CNOT2: variants seen among roughly 807,000 people sequenced by gnomAD.
CNOT2 encodes the protein CCR4-NOT transcription complex subunit 2, also known as CC chemokine receptor 4-negative regulator of transcription 2.
A neutral mutation model predicts 72.1 loss-of-function variants in CNOT2; 7 were observed. The ratio of observed to expected loss-of-function variants is 0.10; its 90% confidence interval spans 0.06 to 0.18. The LOEUF is 0.18. Among genes scored for constraint, CNOT2 ranks in the 10% least tolerant of loss-of-function variants. CNOT2 has a pLI of 1.00. For synonymous variants in CNOT2, 196 were observed against 225.6 expected, an observed-to-expected ratio of 0.87 and a Z score of 1.17; for missense variants, 345 against 660.3, an observed-to-expected ratio of 0.52 and a Z score of 5.23.
intron 2 of CNOT2, among the ~76,000 whole-genome samples, chr12:70,310,422 T>G (rs570688964): frequency 2.0e-5 from 3 of 152,066 alleles, no homozygotes; most frequent in Non-Finnish European, 4.4e-5. Flanking sequence ...CCACTATATA[T>G]GCACTGATTC....
chr12:70,331,298 A>G (rs2136028219), intron 6 of CNOT2: 1 of 152,038 alleles, frequency 6.6e-6, no homozygotes, highest in African/African-American at 2.4e-5. Context: ...TCCTCATTCC[A>G]TAAACTCCAG....
At chr12:70,247,362 G>A (rs143957848) in intron 1 of CNOT2, among the ~76,000 whole-genome samples, 9,055 of 152,012 alleles carry the variant, frequency 0.06, 432 homozygotes, top group East Asian at 0.16. Flanking sequence ...CACCATGTTG[G>A]TCAGGCATGT....
At chr12:70,246,849 G>A (rs1429287335) in intron 1 of CNOT2, among the ~76,000 whole-genome samples, 1 of 152,088 alleles carries the variant, frequency 6.6e-6, no homozygotes, top group African/African-American at 2.4e-5. Flanking sequence ...AATAGAATTT[G>A]TACTGTGTTT....
chr12:70,347,444 A>G (rs1231147322), intron 15 of CNOT2: 1 of 152,036 alleles, frequency 6.6e-6, no homozygotes, highest in Non-Finnish European at 1.5e-5. Flanking sequence ...CATCCTGGGT[A>G]ACAGAGAAAC....
chr12:70,352,014 A>G (rs1195605831), intron 15 of CNOT2, among the ~76,000 whole-genome samples: 1 of 152,118 alleles, frequency 6.6e-6, no homozygotes, highest in African/African-American at 2.4e-5. Context: ...TACCTTCTTT[A>G]TAAACTCTCA....
At chr12:70,304,922 A>T (rs1358492282) in intron 2 of CNOT2, among the ~76,000 whole-genome samples, 1 of 152,030 alleles carries the variant, frequency 6.6e-6, no homozygotes, top group African/African-American at 2.4e-5. Flanking sequence ...TTGATCTCAG[A>T]CTGCTGTGCT....
At chr12:70,315,910 GTAT>G (rs138950433) in intron 3 of CNOT2, among the ~76,000 whole-genome samples, 2,049 of 152,188 alleles carry the variant, frequency 0.013, 45 homozygotes, top group African/African-American at 0.046. Context: ...TAAATTAAGG[GTAT>G]TATTTAATAC....
At chr12:70,282,792 A>T (rs1284976152) in intron 2 of CNOT2, among the ~76,000 whole-genome samples, 1 of 152,140 alleles carries the variant, frequency 6.6e-6, no homozygotes, top group East Asian at 1.9e-4. Context: ...ATATTGAGGT[A>T]CATCTTTTTT....
chr12:70,282,574 C>T (rs1236434940), intron 2 of CNOT2, among the ~76,000 whole-genome samples: 1 of 152,136 alleles, frequency 6.6e-6, no homozygotes, highest in Non-Finnish European at 1.5e-5. Flanking sequence ...GTGTGTACCT[C>T]TTCAGATCTT....
intron 2 of CNOT2, among the ~76,000 whole-genome samples, chr12:70,305,470 T>C (rs1875114184): frequency 6.6e-6 from 1 of 152,174 alleles, no homozygotes; most frequent in Non-Finnish European, 1.5e-5. Flanking sequence ...CCATATCAGC[T>C]AGGAAATGAC....
intron 1 of CNOT2, among the ~76,000 whole-genome samples, chr12:70,271,322 A>T (rs775975127): frequency 6.6e-6 from 1 of 150,804 alleles, no homozygotes; most frequent in African/African-American, 2.4e-5. Context: ...TCATAAATCA[A>T]TTACTGACAA....
intron 1 of CNOT2, among the ~76,000 whole-genome samples, chr12:70,260,477 A>AT: frequency 6.6e-6 from 1 of 152,022 alleles, no homozygotes; most frequent in East Asian, 1.9e-4. Flanking sequence ...TGGCGTATTG[A>AT]TTTTGTACCC....
intron 2 of CNOT2, among the ~76,000 whole-genome samples, chr12:70,280,975 C>A (rs1869714211): frequency 6.6e-6 from 1 of 152,120 alleles, no homozygotes; most frequent in East Asian, 1.9e-4. Context: ...GTTTTTGTAA[C>A]CATTTTCTTA....
chr12:70,348,855 T>C (rs1882528577), intron 15 of CNOT2, among the ~76,000 whole-genome samples: 1 of 151,790 alleles, frequency 6.6e-6, no homozygotes, highest in Admixed American at 6.6e-5. Flanking sequence ...ATATTTTTTA[T>C]ATATTATATA....
In CNOT2 at chr12:70,296,313, A is replaced by G. The variant is rs149002976; in HGVS notation, c.49-14582A>G. ...AAATAGTGATTGTGGAAGTGTTTGTATAGGTCCCTAGCTTTCTACTAAAGC... is the reference window on the plus strand; with the variant it reads ...AAATAGTGATTGTGGAAGTGTTTGTGTAGGTCCCTAGCTTTCTACTAAAGC... On this transcript the variant is annotated intron_variant, in intron 2 of 15. Coordinates refer to ENST00000229195, the MANE Select transcript of CNOT2 (RefSeq NM_014515.7). 1.4e-3 allele frequency among the ~76,000 whole-genome samples: 213 copies of G among 152,286 alleles called. 2 individuals are homozygous for G. In the East Asian group the frequency reaches 0.033, roughly 23 times the overall value.
intron 1 of CNOT2, among the ~76,000 whole-genome samples, chr12:70,248,103 T>G (rs947256045): frequency 6.6e-6 from 1 of 152,228 alleles, no homozygotes; most frequent in Non-Finnish European, 1.5e-5. Flanking sequence ...TTTGTATGGT[T>G]ATGGCTATTA....
intron 2 of CNOT2, among the ~76,000 whole-genome samples, chr12:70,310,555 G>A (rs1180720934): frequency 1.3e-5 from 2 of 152,044 alleles, no homozygotes; most frequent in Non-Finnish European, 2.9e-5. Context: ...TGAAGATTTT[G>A]AATAATTAAA....
chr12:70,243,660 G>T (rs1381288223), intron 1 of CNOT2, 180 bp downstream of exon 1: 1 of 151,014 alleles, frequency 6.6e-6, no homozygotes, highest in Non-Finnish European at 1.5e-5. Flanking sequence ...ATCGAGAGAC[G>T]GAGAGCGGAG....
In CNOT2 at chr12:70,346,285, T is replaced by C. The variant is rs1434926696; in HGVS notation, c.1497T>C (p.Tyr499=). Reference sequence around the variant, plus strand: ...CCAATACCTATGAGAGGGGAACATATTACTTCTTTGACTGTCTTAACTGGA... The same window carrying C: ...CCAATACCTATGAGAGGGGAACATACTACTTCTTTGACTGTCTTAACTGGA... ...MKTNTYERGT[Y]YFFDCLNWRK... is the part of the protein sequence containing the mutation. Residue 499 remains tyrosine (Y), a synonymous_variant, in exon 15 of 16, where the codon TAT becomes TAC. Coordinates refer to ENST00000229195, the MANE Select transcript of CNOT2 (RefSeq NM_014515.7). 6 of 1,612,446 alleles carry C rather than the reference T, an allele frequency of 3.7e-6. No homozygotes were observed. Among genetic ancestry groups the C allele is most frequent in the South Asian group, 1.1e-5 (1 of 91,042 alleles).
Sources: allele counts gnomAD v4.1 joint callset (sites outside exome capture counted in the v4.1 genomes callset), GRCh38; gene constraint gnomAD v4.1.1; transcripts MANE v1.5; gene names NCBI Gene and HGNC (gene_info 2026-07-23, HGNC 2026-07-21).